CYREN: variants seen among roughly 807,000 people sequenced by gnomAD.
CYREN encodes cell cycle regulator of non-homologous end joining.
In CYREN, 7 loss-of-function variants were observed where a neutral mutation model predicts 9.7. That is an observed-to-expected ratio of 0.72 (90% CI 0.41 to 1.36). The LOEUF is 1.36. Ranked by LOEUF, CYREN falls within the 40% of genes most tolerant of loss-of-function variation. The probability of loss-of-function intolerance (pLI) is 0.01; values close to 1 mark genes in which losing one functional copy is unlikely to be tolerated. For missense variants in CYREN, 215 were observed against 198.1 expected, an observed-to-expected ratio of 1.09 and a Z score of -0.51; for synonymous variants, 76 against 77.9, an observed-to-expected ratio of 0.98 and a Z score of 0.13.
intron 2 of CYREN, among the ~76,000 whole-genome samples, chr7:135,145,034 T>G (rs1259603244): frequency 6.6e-6 from 1 of 150,396 alleles, no homozygotes; most frequent in Non-Finnish European, 1.5e-5. Flanking sequence ...CACATTCAAT[T>G]TTGCTCCCTC....
intron 2 of CYREN, among the ~76,000 whole-genome samples, chr7:135,109,223 C>G (rs899007066): frequency 2.6e-5 from 4 of 152,180 alleles, no homozygotes; most frequent in African/African-American, 9.7e-5. Flanking sequence ...GGTTGGAGAA[C>G]TGATGCAGTC....
intron 2 of CYREN, chr7:135,135,396 AT>A: frequency 1.6e-6 from 1 of 611,916 alleles, no homozygotes; most frequent in Non-Finnish European, 2.5e-6. Flanking sequence ...TAAACTAAAA[AT>A]TTTAGATATC....
intron 2 of CYREN, among the ~76,000 whole-genome samples, chr7:135,120,657 G>A (rs1335799176): frequency 3.9e-5 from 6 of 152,114 alleles, no homozygotes. Context: ...TTAACAGAAT[G>A]AATTTTAAAA....
intron 2 of CYREN, among the ~76,000 whole-genome samples, chr7:135,139,067 G>T (rs1194843384): frequency 6.6e-6 from 1 of 152,014 alleles, no homozygotes; most frequent in African/African-American, 2.4e-5. Context: ...ACATGCATGT[G>T]TCTTTATGGT....
intron 2 of CYREN, among the ~76,000 whole-genome samples, chr7:135,109,288 C>T (rs1825248299): frequency 6.6e-6 from 1 of 152,176 alleles, no homozygotes; most frequent in East Asian, 1.9e-4. Context: ...CTCTCTAGGG[C>T]CTGGAGGCAG....
chr7:135,166,741 T>G lies in CYREN; in HGVS notation c.344A>C (p.Lys115Thr). 6.2e-7 allele frequency: 1 copy of G among 1,614,046 alleles called. No homozygotes were observed. Among genetic ancestry groups the G allele is most frequent in the Non-Finnish European group, 8.5e-7 (1 of 1,180,030 alleles). The stretch of plus-strand genomic sequence containing the variant: ...GCTGAGGCCTGGAGCCAGTGCCTGT[T>G]TCCCACTGTCCTCTTCCTCACTGCT... Reference protein sequence around the residue: ...GSSSEEEDSGKQALAPGLSPS... With the variant: ...GSSSEEEDSGTQALAPGLSPS... Residue 115 changes from lysine to threonine, a missense_variant, in exon 4 of 4, where the codon AAA (lysine) becomes ACA (threonine). Transcript: ENST00000393114.
At chr7:135,103,096 C>T (rs1452594408) in intron 2 of CYREN, among the ~76,000 whole-genome samples, 1 of 152,174 alleles carries the variant, frequency 6.6e-6, no homozygotes, top group African/African-American at 2.4e-5. Context: ...GCAGAATCCA[C>T]TCTTCTACTT....
chr7:135,117,466 A>G (rs1211666977), intron 2 of CYREN, among the ~76,000 whole-genome samples: 1 of 152,224 alleles, frequency 6.6e-6, no homozygotes, highest in Non-Finnish European at 1.5e-5. Flanking sequence ...TTAATCCTAA[A>G]TTAGACCAAT....
downstream of CYREN, among the ~76,000 whole-genome samples, chr7:135,161,291 A>G (rs527605741): frequency 6.6e-6 from 1 of 152,356 alleles, no homozygotes; most frequent in East Asian, 1.9e-4. The surrounding 1 kb of genome is among the most constrained non-coding windows in gnomAD (Gnocchi z 4.1). Flanking sequence ...GAGGAGCCAC[A>G]TTAATTTTTA....
intron 2 of CYREN, chr7:135,135,350 C>T: frequency 8.3e-7 from 1 of 1,210,774 alleles, no homozygotes; most frequent in South Asian, 2.3e-5. Flanking sequence ...CTCCCCTTCC[C>T]CTTTCCCTAT....
In CYREN at chr7:135,137,137, G is replaced by A. The variant is rs7791616; in HGVS notation, n.356+31612C>T. 3.5e-4 allele frequency among the ~76,000 whole-genome samples: 53 copies of A among 151,744 alleles called. No homozygotes were observed. In the East Asian group the frequency reaches 0.01, roughly 29 times the overall value. On this transcript the variant is annotated intron_variant and non_coding_transcript_variant, in intron 2 of 2. Transcript: ENST00000459937. ...CATAGAAATTTAAAACAACTACGAT[G>A]AATATGCTGACAGTTCTAATGGGAA... is the stretch of plus-strand genomic sequence containing the variant.
intron 2 of CYREN, among the ~76,000 whole-genome samples, chr7:135,121,882 T>C (rs1273221976): frequency 3.3e-5 from 5 of 152,210 alleles, no homozygotes; most frequent in Non-Finnish European, 7.3e-5. Flanking sequence ...ACCGTGCTTT[T>C]TCCACAGAAC....
intron 2 of CYREN, among the ~76,000 whole-genome samples, chr7:135,122,083 T>G (rs1164040478): frequency 6.6e-6 from 1 of 152,134 alleles, no homozygotes; most frequent in Non-Finnish European, 1.5e-5. Flanking sequence ...TTGAGTTCCT[T>G]GGGGGAGGGG....
At chr7:135,119,557 C>G (rs1186202391) in intron 2 of CYREN, among the ~76,000 whole-genome samples, 1 of 148,902 alleles carries the variant, frequency 6.7e-6, no homozygotes, top group African/African-American at 2.5e-5. Flanking sequence ...GAAAATGAGA[C>G]CAAAAAAAAA....
chr7:135,164,447 C>A (rs145457881), downstream of CYREN: 1 of 1,597,020 alleles, frequency 6.3e-7, no homozygotes, highest in Non-Finnish European at 8.6e-7. Flanking sequence ...TAGAGATGGC[C>A]GGCCCAAGGC....
chr7:135,167,477 TCTCCCTAACACACACACGCC>T, intron 3 of CYREN: 1 of 1,363,140 alleles, frequency 7.3e-7, no homozygotes, highest in Non-Finnish European at 9.5e-7. Context: ...ACAGTCACGC[TCTCCCTAACACACACACGCC>T]CTCCCTAACA....
chr7:135,149,564 A>G (rs983372220), intron 2 of CYREN, among the ~76,000 whole-genome samples: 2 of 152,220 alleles, frequency 1.3e-5, no homozygotes, highest in African/African-American at 4.8e-5. Context: ...CCAAAGAGAT[A>G]TGACTATTTT....
intron 3 of CYREN, chr7:135,167,434 C>T (rs1006587820): frequency 3.5e-5 from 43 of 1,216,456 alleles, no homozygotes; most frequent in African/African-American, 7.8e-5. Context: ...AACAGGTAAA[C>T]GCTTCATGTC....
At chr7:135,111,375 C>T (rs1057148586) in intron 2 of CYREN, among the ~76,000 whole-genome samples, 7 of 152,288 alleles carry the variant, frequency 4.6e-5, no homozygotes, top group African/African-American at 1.7e-4. Context: ...CTACTGTTGC[C>T]ATACCATGAA....
Sources: allele counts gnomAD v4.1 joint callset (sites outside exome capture counted in the v4.1 genomes callset), GRCh38; gene constraint gnomAD v4.1.1; non-coding constraint Gnocchi (gnomAD v3.1); transcripts MANE v1.5; gene names NCBI Gene and HGNC (gene_info 2026-07-23, HGNC 2026-07-21).